The following CDK6 variants were observed in gnomAD, a reference collection of about 807,000 sequenced individuals.
The protein encoded by CDK6 is cyclin-dependent kinase 6.
A neutral mutation model predicts 37.1 loss-of-function variants in CDK6; 6 were observed. The observed-to-expected ratio is 0.16, with a 90% CI of 0.09 to 0.32. The LOEUF (loss-of-function observed/expected upper bound fraction) is 0.32, where lower values mean the gene tolerates loss of function less well. Ranked by LOEUF, CDK6 falls within the 10% of genes least tolerant of loss-of-function variation. The probability of loss-of-function intolerance (pLI) is 1.00; values close to 1 mark genes in which losing one functional copy is unlikely to be tolerated. For synonymous variants in CDK6, 160 were observed against 161.3 expected (o/e 0.99, Z 0.06); for missense variants, 224 against 418.9 (o/e 0.53, Z 4.06).
rs1795571788 is a variant in CDK6, at chr7:92,611,957, C to T, written c.*3183G>A. 4.3e-6 allele frequency: 1 copy of T among 232,776 alleles called. No homozygotes were observed. The highest frequency in any genetic ancestry group is 2.2e-5 in the African/African-American group (1 of 45,306). The allele number at this position is 232,776 out of a possible 1,614,324, so 14.4% of individuals were successfully genotyped here. ...AAACAGGTTCTTTGCACCTTGAGTT[C>T]CCATCCACTTCAAAGGAGGGACAAA... On this transcript the variant is annotated 3_prime_UTR_variant, in exon 8 of 8. Transcript: ENST00000424848.
At chr7:92,680,707 C>G (rs948321833) in intron 4 of CDK6, among the ~76,000 whole-genome samples, 2 of 152,198 alleles carry the variant, frequency 1.3e-5, no homozygotes, top group Admixed American at 6.5e-5. Flanking sequence ...CATGGGGCCA[C>G]TGGCTCCCTT....
At chr7:92,741,784 G>A (rs138709248) in intron 3 of CDK6, among the ~76,000 whole-genome samples, 1 of 152,226 alleles carries the variant, frequency 6.6e-6, no homozygotes, top group Non-Finnish European at 1.5e-5. Flanking sequence ...AGACGGCATA[G>A]TACTTCAGAG....
At chr7:92,706,766 C>T (rs1432085051) in intron 4 of CDK6, among the ~76,000 whole-genome samples, 1 of 152,228 alleles carries the variant, frequency 6.6e-6, no homozygotes, top group East Asian at 1.9e-4. Context: ...ACTGCCTATA[C>T]AGTCCATTCA....
chr7:92,770,958 C>A lies in CDK6; in HGVS notation c.369+3738G>T, dbSNP rs545454736. 3.3e-5 allele frequency among the ~76,000 whole-genome samples: 5 copies of A among 151,978 alleles called. No homozygotes were observed. In the South Asian group the frequency reaches 1.0e-3, roughly 32 times the overall value. On this transcript the variant is annotated intron_variant, in intron 3 of 7. Coordinates refer to ENST00000424848, the MANE Select transcript of CDK6 (RefSeq NM_001145306.2). The stretch of plus-strand genomic sequence containing the variant: ...TATATTTCATGTTAAAATATCTGGC[C>A]AGGCATGGTAGCTCATGCCTGTAAT...
chr7:92,833,734 A>G lies in CDK6; in HGVS notation c.-367-44T>C, dbSNP rs1801565825. 4.8e-6 allele frequency: 2 copies of G among 417,410 alleles called. No homozygotes were observed. The highest frequency in any genetic ancestry group is 8.4e-6 in the Non-Finnish European group (2 of 238,900). 25.9% of individuals were successfully genotyped at this position (417,410 alleles called of 1,614,324 possible). A position where few individuals can be genotyped will look rare whatever the true frequency, so the allele number is the denominator to read the frequency against. On this transcript the variant is annotated intron_variant, in intron 1 of 7. Coordinates refer to ENST00000424848, the MANE Select transcript of CDK6 (RefSeq NM_001145306.2). The surrounding 1 kb of genome is among the most constrained non-coding windows in gnomAD (Gnocchi z 6.1). Reference sequence around the variant, plus strand: ...GGATAAGAAGAAAGTGCAATCAGACAGCCCAGAAGCCTTCCTCGGGGTTCC... The same window carrying G: ...GGATAAGAAGAAAGTGCAATCAGACGGCCCAGAAGCCTTCCTCGGGGTTCC...
intron 4 of CDK6, among the ~76,000 whole-genome samples, chr7:92,678,808 G>T (rs1797265937): frequency 2.0e-5 from 3 of 152,112 alleles, no homozygotes; most frequent in African/African-American, 4.8e-5. Context: ...GTTTCTTACT[G>T]GCTTTGGCCA....
chr7:92,689,961 C>CT (rs1353403540), intron 4 of CDK6, among the ~76,000 whole-genome samples: 1 of 151,990 alleles, frequency 6.6e-6, no homozygotes, highest in Non-Finnish European at 1.5e-5. Context: ...CATTTGCCCA[C>CT]TTTTTTATCG....
intron 4 of CDK6, among the ~76,000 whole-genome samples, chr7:92,694,066 C>G (rs60259556): frequency 4.6e-5 from 7 of 152,074 alleles, no homozygotes; most frequent in Non-Finnish European, 8.8e-5. Context: ...GTGAACACCA[C>G]ACAGTATAGG....
At chr7:92,750,855 A>T (rs1024624640) in intron 3 of CDK6, among the ~76,000 whole-genome samples, 11 of 152,182 alleles carry the variant, frequency 7.2e-5, no homozygotes, top group Non-Finnish European at 1.5e-4. Context: ...GGAAGTTTTT[A>T]AAAAAAGGAT....
Position 92,833,620 on chromosome 7 carries a change from A to G in CDK6, c.-297T>C. 1.9e-6 allele frequency: 1 copy of G among 529,682 alleles called. No homozygotes were observed. 32.8% of individuals were successfully genotyped at this position (529,682 alleles called of 1,614,324 possible). ...CCGATCCCTCCTCTTCCCTCCTCGA[A>G]GCGAAGTCCTCAACACAGACACGAT... On this transcript the variant is annotated 5_prime_UTR_variant, in exon 2 of 8. Transcript: ENST00000424848. This position sits in a 1 kb window ranked among gnomAD's most constrained non-coding sequence, Gnocchi z 6.1.
At chr7:92,656,004 C>G (rs1381348338) in intron 5 of CDK6, among the ~76,000 whole-genome samples, 2 of 152,140 alleles carry the variant, frequency 1.3e-5, no homozygotes, top group Non-Finnish European at 2.9e-5. Context: ...AAACCCAATT[C>G]TATCATGTAT....
chr7:92,801,193 C>T (rs905761547), intron 2 of CDK6, among the ~76,000 whole-genome samples: 4 of 151,826 alleles, frequency 2.6e-5, no homozygotes, highest in East Asian at 1.9e-4. Context: ...TAGCTAATAA[C>T]GACACTTTTG....
At chr7:92,662,590 G>A (rs548896841) in intron 5 of CDK6, among the ~76,000 whole-genome samples, 3 of 152,294 alleles carry the variant, frequency 2.0e-5, no homozygotes, top group South Asian at 4.1e-4. Flanking sequence ...TAATTCTCAC[G>A]GGGGTCACTA....
intron 4 of CDK6, among the ~76,000 whole-genome samples, chr7:92,671,909 C>T (rs1337477777): frequency 2.0e-5 from 3 of 151,102 alleles, no homozygotes; most frequent in African/African-American, 4.9e-5. Context: ...CAGCTCAATC[C>T]CCAGGCCAGC....
intron 5 of CDK6, among the ~76,000 whole-genome samples, chr7:92,650,732 C>T (rs1435745352): frequency 1.3e-5 from 2 of 152,150 alleles, no homozygotes; most frequent in African/African-American, 4.8e-5. Flanking sequence ...TCCCTGTCTC[C>T]TTGCCAGTTG....
intron 4 of CDK6, among the ~76,000 whole-genome samples, chr7:92,697,771 A>C (rs913682871): frequency 3.4e-4 from 52 of 152,360 alleles, no homozygotes; most frequent in African/African-American, 1.1e-3. Flanking sequence ...TCATCGTATT[A>C]CTGAATTAAA....
At chr7:92,788,598 A>T (rs886206940) in intron 2 of CDK6, among the ~76,000 whole-genome samples, 1 of 152,208 alleles carries the variant, frequency 6.6e-6, no homozygotes, top group Non-Finnish European at 1.5e-5. Flanking sequence ...CTGCACCATT[A>T]TTATGATCAC....
intron 5 of CDK6, among the ~76,000 whole-genome samples, chr7:92,629,767 T>C (rs902054962): frequency 6.6e-6 from 1 of 152,144 alleles, no homozygotes; most frequent in African/African-American, 2.4e-5. Context: ...GCAAACTGGG[T>C]GGCTTAAACA....
intron 4 of CDK6, among the ~76,000 whole-genome samples, chr7:92,682,767 C>T (rs993647968): frequency 6.6e-6 from 1 of 152,066 alleles, no homozygotes. Flanking sequence ...TAGTTGTGTC[C>T]CCATGTCCAC....
Sources: gnomAD v4.1 joint callset for allele counts (sites outside exome capture counted in the v4.1 genomes callset) on GRCh38, gnomAD v4.1.1 for gene constraint, Gnocchi (gnomAD v3.1) non-coding constraint, MANE v1.5 for transcripts, NCBI Gene and HGNC (gene_info 2026-07-23, HGNC 2026-07-21) for gene names.